CNTN5: variants seen among roughly 807,000 people sequenced by gnomAD.
CNTN5 encodes the protein contactin 5.
A neutral mutation model predicts 129.1 loss-of-function variants in CNTN5; 77 were observed. The observed-to-expected ratio is 0.60, with a 90% confidence interval of 0.50 to 0.72. The LOEUF is 0.72. CNTN5 is among the 30% of genes least tolerant of loss of function. CNTN5 has a pLI of 0.00. For missense variants in CNTN5, 1,478 were observed against 1,328.8 expected, an observed-to-expected ratio of 1.11 and a Z score of -1.75; for synonymous variants, 509 against 465.6, an observed-to-expected ratio of 1.09 and a Z score of -1.20.
At chr11:100,182,559 A>G (rs1035423192) in intron 13 of CNTN5, among the ~76,000 whole-genome samples, 3 of 152,132 alleles carry the variant, frequency 2.0e-5, no homozygotes, top group Non-Finnish European at 2.9e-5. Context: ...GAAGTTCATC[A>G]TTTCAAAATC....
At chr11:99,584,856 T>C (rs1002532448) in intron 3 of CNTN5, among the ~76,000 whole-genome samples, 1 of 152,254 alleles carries the variant, frequency 6.6e-6, no homozygotes, top group Admixed American at 6.5e-5. Context: ...CAAACTGTTA[T>C]TCAGGCTTGC....
intron 1 of CNTN5, among the ~76,000 whole-genome samples, chr11:99,255,388 G>T (rs1235754466): frequency 7.3e-5 from 11 of 151,284 alleles, no homozygotes; most frequent in Non-Finnish European, 1.6e-4. Flanking sequence ...GTGGGTATTT[G>T]GAATAAATAT....
At chr11:100,111,601 AGT>A (rs1352681270) in intron 13 of CNTN5, among the ~76,000 whole-genome samples, 1 of 152,164 alleles carries the variant, frequency 6.6e-6, no homozygotes, top group Non-Finnish European at 1.5e-5. Context: ...TCTTTCTTGC[AGT>A]GTCTTTTGCT....
intron 16 of CNTN5, among the ~76,000 whole-genome samples, chr11:100,246,411 A>G (rs1949842054): frequency 6.6e-6 from 1 of 152,038 alleles, no homozygotes; most frequent in East Asian, 1.9e-4. Flanking sequence ...TCTTTAGATC[A>G]TTTTTTCTTG....
At chr11:99,422,516 TTTTATATATATA>T (rs1419038551) in intron 2 of CNTN5, among the ~76,000 whole-genome samples, 4,953 of 100,350 alleles carry the variant, frequency 0.049, 170 homozygotes, top group South Asian at 0.1. Flanking sequence ...TACTTTATAT[TTTTATATATATA>T]TATATATATA....
intron 21 of CNTN5, among the ~76,000 whole-genome samples, chr11:100,333,792 A>C (rs1046676447): frequency 6.6e-6 from 1 of 152,238 alleles, no homozygotes; most frequent in Admixed American, 6.5e-5. Flanking sequence ...CTCAAGATGG[A>C]TCAAAGACTT....
chr11:99,682,387 C>T (rs1255599121), intron 3 of CNTN5, among the ~76,000 whole-genome samples: 2 of 151,694 alleles, frequency 1.3e-5, no homozygotes, highest in African/African-American at 4.8e-5. Flanking sequence ...AAAATGAAAG[C>T]CAGTTAGTAC....
chr11:99,869,573 C>T (rs894998812), intron 6 of CNTN5, among the ~76,000 whole-genome samples: 6 of 152,100 alleles, frequency 3.9e-5, no homozygotes, highest in Non-Finnish European at 8.8e-5. Context: ...CAATCATAGT[C>T]ACTTCTACTT....
At chr11:99,373,408 A>G (rs182316423) in intron 2 of CNTN5, among the ~76,000 whole-genome samples, 1,889 of 151,678 alleles carry the variant, frequency 0.012, 31 homozygotes, top group Non-Finnish European at 0.018. Flanking sequence ...ATGTTTCCCC[A>G]TTTTTATTCA....
chr11:99,177,252 A>G (rs1857821137), intron 1 of CNTN5, among the ~76,000 whole-genome samples: 1 of 152,102 alleles, frequency 6.6e-6, no homozygotes, highest in Admixed American at 6.6e-5. Context: ...TTTCCTTAAC[A>G]CATCACCACC....
intron 4 of CNTN5, among the ~76,000 whole-genome samples, chr11:99,830,345 A>G (rs899345475): frequency 2.0e-5 from 3 of 152,124 alleles, no homozygotes; most frequent in Admixed American, 1.3e-4. Flanking sequence ...TCTTCTGACA[A>G]TTGGATGATT....
intron 1 of CNTN5, among the ~76,000 whole-genome samples, chr11:99,266,618 T>C (rs1862909244): frequency 6.6e-6 from 1 of 151,852 alleles, no homozygotes; most frequent in Non-Finnish European, 1.5e-5. Context: ...TAATAATAAA[T>C]GAATAAAGCA....
chr11:99,218,023 A>G (rs563456787), intron 1 of CNTN5, among the ~76,000 whole-genome samples: 1 of 152,294 alleles, frequency 6.6e-6, no homozygotes, highest in African/African-American at 2.4e-5. Context: ...CTTTTCACAA[A>G]AAGATTACAT....
At chr11:99,353,808 T>A (rs990996015) in intron 2 of CNTN5, among the ~76,000 whole-genome samples, 1 of 152,182 alleles carries the variant, frequency 6.6e-6, no homozygotes, top group African/African-American at 2.4e-5. Context: ...ATTACCCACA[T>A]CATAGCTGTG....
chr11:100,291,794 A>G (rs1196892587), intron 18 of CNTN5, among the ~76,000 whole-genome samples: 2 of 141,924 alleles, frequency 1.4e-5, no homozygotes, highest in Non-Finnish European at 3.1e-5. Context: ...AATAAAAAAT[A>G]TAAATAAATA....
At chr11:99,701,115 C>G (rs951122494) in intron 3 of CNTN5, among the ~76,000 whole-genome samples, 7 of 151,320 alleles carry the variant, frequency 4.6e-5, no homozygotes, top group African/African-American at 1.7e-4. Flanking sequence ...AACACAATAC[C>G]TATGTGCTGA....
intron 21 of CNTN5, among the ~76,000 whole-genome samples, chr11:100,330,611 G>A (rs1230866140): frequency 2.6e-5 from 4 of 152,162 alleles, no homozygotes; most frequent in African/African-American, 9.6e-5. Context: ...AAACCTATCA[G>A]AGCAACAGCA....
intron 13 of CNTN5, among the ~76,000 whole-genome samples, chr11:100,093,524 C>G (rs1944877420): frequency 6.6e-6 from 1 of 152,058 alleles, no homozygotes; most frequent in Non-Finnish European, 1.5e-5. Context: ...ACTTCAACCT[C>G]CCAAAGTTCT....
chr11:99,516,981 A>G (rs1238440650), intron 2 of CNTN5, among the ~76,000 whole-genome samples: 1 of 152,124 alleles, frequency 6.6e-6, no homozygotes, highest in Admixed American at 6.6e-5. Flanking sequence ...TATTTCTTTG[A>G]TTATTTTAAG....
Sources: gnomAD v4.1 joint callset for allele counts (sites outside exome capture counted in the v4.1 genomes callset) on GRCh38, gnomAD v4.1.1 for gene constraint, MANE v1.5 for transcripts, NCBI Gene and HGNC (gene_info 2026-07-23, HGNC 2026-07-21) for gene names.